Variants in TMOD1 observed in about 807,000 individuals in gnomAD.
TMOD1 encodes the protein tropomodulin 1.
In TMOD1, 17 loss-of-function variants were observed where a neutral mutation model predicts 40.6. The ratio of observed to expected loss-of-function variants is 0.42; its 90% confidence interval spans 0.29 to 0.63. The LOEUF is 0.63. TMOD1 is among the 20% of genes least tolerant of loss of function. The pLI is 0.22. For synonymous variants in TMOD1, 181 were observed against 175.0 expected (o/e 1.03, Z -0.27); for missense variants, 391 against 447.6 (o/e 0.87, Z 1.14).
At chr9:97,554,683 G>A (rs902812475) in intron 4 of TMOD1, among the ~76,000 whole-genome samples, 1 of 152,122 alleles carries the variant, frequency 6.6e-6, no homozygotes, top group Non-Finnish European at 1.5e-5. Flanking sequence ...ACAGAGTGAG[G>A]GTTCAGGGCT....
chr9:97,537,217 G>A (rs7857276), intron 2 of TMOD1, among the ~76,000 whole-genome samples: 126,122 of 152,214 alleles, frequency 0.83, 52,641 homozygotes, highest in African/African-American at 0.93. Context: ...CCAGGAGTCT[G>A]TGATCCTTTT....
intron 3 of TMOD1, among the ~76,000 whole-genome samples, chr9:97,548,061 G>A (rs114236963): frequency 0.01 from 1,580 of 152,304 alleles, 26 homozygotes; most frequent in African/African-American, 0.036. Flanking sequence ...TAATAAATCC[G>A]TAGCACATAG....
intron 9 of TMOD1, among the ~76,000 whole-genome samples, chr9:97,598,281 T>C (rs1330649721): frequency 7.3e-6 from 1 of 137,906 alleles, no homozygotes; most frequent in African/African-American, 2.8e-5. Context: ...TGGGCCAAGA[T>C]TGCGCCACTG....
At chr9:97,595,997 C>G (rs1347445428) in intron 9 of TMOD1, among the ~76,000 whole-genome samples, 1 of 151,926 alleles carries the variant, frequency 6.6e-6, no homozygotes, top group East Asian at 1.9e-4. Flanking sequence ...TCGCTTGAAC[C>G]CGGGAGGCAG....
intron 3 of TMOD1, among the ~76,000 whole-genome samples, chr9:97,552,961 A>G (rs1157472250): frequency 1.3e-5 from 2 of 152,204 alleles, no homozygotes; most frequent in East Asian, 3.8e-4. Flanking sequence ...AAGGTATCCC[A>G]TACCCTGGCA....
chr9:97,540,623 A>T (rs910607631), intron 2 of TMOD1, among the ~76,000 whole-genome samples: 1 of 152,158 alleles, frequency 6.6e-6, no homozygotes, highest in Non-Finnish European at 1.5e-5. Flanking sequence ...CATATATTGT[A>T]TGGAATTGTA....
rs1830554763 is a variant in TMOD1 at position 97,557,541 on chromosome 9, CGT to C, written c.397+4145_397+4146del. Among the ~76,000 whole-genome samples the C allele has an allele frequency of 6.6e-6, 1 of 152,204 alleles. No individual in the cohort carries two copies. The highest frequency in any genetic ancestry group is 2.4e-5 in the African/African-American group (1 of 41,444). On this transcript the variant is annotated intron_variant, in intron 4 of 9. Coordinates refer to ENST00000259365, the MANE Select transcript of TMOD1 (RefSeq NM_003275.4). This position sits in a 1 kb window ranked among gnomAD's most constrained non-coding sequence, Gnocchi z 4.4. ...CCACCCCCTGGCTTCTGGCTACTTC[CGT>C]GTGCTTAGGCACCTGTCCTGCTACC...
chr9:97,590,545 T>C (rs1825979683), intron 8 of TMOD1, among the ~76,000 whole-genome samples: 2 of 151,908 alleles, frequency 1.3e-5, no homozygotes, highest in East Asian at 1.9e-4. Context: ...ATTGTTTCCC[T>C]TTTCCTGGCA....
intron 1 of TMOD1, among the ~76,000 whole-genome samples, chr9:97,512,244 C>A (rs965067301): frequency 2.0e-5 from 3 of 152,226 alleles, no homozygotes; most frequent in Non-Finnish European, 2.9e-5. Flanking sequence ...ACCAGAATGG[C>A]TAACAGGAAG....
At chr9:97,516,871 T>C (rs1437489379) in intron 1 of TMOD1, 2 of 151,980 alleles carry the variant, frequency 1.3e-5, no homozygotes, top group African/African-American at 4.8e-5. Context: ...GAGTTTTTAG[T>C]CTGAGAAAAT....
chr9:97,590,452 C>T (rs1825978215), intron 8 of TMOD1, among the ~76,000 whole-genome samples: 1 of 152,002 alleles, frequency 6.6e-6, no homozygotes, highest in Non-Finnish European at 1.5e-5. Context: ...TCTCGAACTC[C>T]TTAGCTCAGG....
chr9:97,512,759 A>C (rs948338044), intron 1 of TMOD1: 5 of 151,052 alleles, frequency 3.3e-5, no homozygotes, highest in African/African-American at 1.2e-4. Flanking sequence ...CTATAAATAT[A>C]TTATTTTATA....
At chr9:97,546,068 G>A (rs1830355243) in intron 2 of TMOD1, 117 bp from the exon 3 acceptor site, 1 of 1,223,396 alleles carries the variant, frequency 8.2e-7, no homozygotes, top group Non-Finnish European at 1.1e-6. Context: ...TGAGCTCTGA[G>A]GTCCCTTCTG....
intron 1 of TMOD1, among the ~76,000 whole-genome samples, chr9:97,503,627 C>G: frequency 6.6e-6 from 1 of 152,212 alleles, no homozygotes; most frequent in East Asian, 1.9e-4. Context: ...AAGCCAGTGT[C>G]CTCTAAAAAT....
At chr9:97,556,227 G>A (rs927752536) in intron 4 of TMOD1, among the ~76,000 whole-genome samples, 1 of 152,154 alleles carries the variant, frequency 6.6e-6, no homozygotes, top group African/African-American at 2.4e-5. Context: ...TCCTAGTGCC[G>A]GCTCAGAGGC....
chr9:97,519,098 A>G (rs1297130755), intron 1 of TMOD1, among the ~76,000 whole-genome samples: 1 of 152,200 alleles, frequency 6.6e-6, no homozygotes, highest in Admixed American at 6.5e-5. Flanking sequence ...CCTCCTCTGG[A>G]GTGTTCCCAC....
At chr9:97,563,924 T>C in intron 5 of TMOD1, 114 bp from the exon 6 acceptor site, 1 of 1,386,092 alleles carries the variant, frequency 7.2e-7, no homozygotes, top group South Asian at 1.4e-5. Context: ...CCCTGTGATG[T>C]GCAGCCCTCA....
At position 97,502,446 on chromosome 9, in the gene TMOD1, T is replaced by C. The variant is rs1483317546; in HGVS notation, c.-49+643T>C. 6.6e-6 allele frequency among the ~76,000 whole-genome samples: 1 copy of C among 152,194 alleles called. No homozygotes were observed. Among genetic ancestry groups the C allele is most frequent in the Admixed American group, 6.5e-5 (1 of 15,288 alleles). ...AGAGCTTGGAGGCGGGAGCCCCAGGTTGTCGCCGGCTCTCGGCATGGCCTT... is the reference window on the plus strand; with the variant it reads ...AGAGCTTGGAGGCGGGAGCCCCAGGCTGTCGCCGGCTCTCGGCATGGCCTT... On this transcript the variant is annotated intron_variant, in intron 1 of 9. Coordinates refer to ENST00000259365, the MANE Select transcript of TMOD1 (RefSeq NM_003275.4). The surrounding 1 kb of genome is among the most constrained non-coding windows in gnomAD (Gnocchi z 6.1).
intron 1 of TMOD1, among the ~76,000 whole-genome samples, chr9:97,518,370 C>G (rs1829858288): frequency 6.6e-6 from 1 of 152,258 alleles, no homozygotes; most frequent in African/African-American, 2.4e-5. Context: ...CAGAGCGAGC[C>G]AGCCCTGCTG....
Sources: allele counts gnomAD v4.1 joint callset (sites outside exome capture counted in the v4.1 genomes callset), GRCh38; gene constraint gnomAD v4.1.1; non-coding constraint Gnocchi (gnomAD v3.1); transcripts MANE v1.5; gene names NCBI Gene and HGNC (gene_info 2026-07-23, HGNC 2026-07-21).